BICRA: variants seen among roughly 807,000 people sequenced by gnomAD.
BICRA encodes BRD4 interacting chromatin remodeling complex associated protein.
A neutral mutation model predicts 96.9 loss-of-function variants in BICRA; 31 were observed. The observed-to-expected ratio is 0.32, with a 90% CI of 0.24 to 0.43. The LOEUF (loss-of-function observed/expected upper bound fraction) is 0.43. Ranked by LOEUF, BICRA falls within the 20% of genes least tolerant of loss-of-function variation. BICRA has a pLI of 1.00. For missense variants in BICRA, 2,283 were observed against 2,190.3 expected, an observed-to-expected ratio of 1.04 and a Z score of -0.84; for synonymous variants, 1,350 against 1,071.8, an observed-to-expected ratio of 1.26 and a Z score of -5.07.
In BICRA at chr19:47,701,744, G is replaced by A. The variant is rs781164187; in HGVS notation, c.4012G>A (p.Ala1338Thr). Residue 1338 changes from alanine to threonine, a missense_variant, in exon 15 of 15, where the codon GCT (alanine) becomes ACT (threonine). By Grantham distance (58) the Ala-to-Thr change is moderately conservative. Transcript: ENST00000594866. This position sits in a 1 kb window ranked among gnomAD's most constrained non-coding sequence, Gnocchi z 5.4. ...CGTGCACCAGCCCCCGCCACCCCCC[G>A]CTACCCTCAAGGTGGCCGAGCCCCC... ...DPVHQPPPPPATLKVAEPPPR... is the reference protein window; with the variant it reads ...DPVHQPPPPPTTLKVAEPPPR... The A allele has an allele frequency of 1.1e-5, 14 of 1,253,412 alleles. No homozygotes were observed. In the Admixed American group the frequency reaches 1.7e-4, roughly 15 times the overall value. The allele number at this position is 1,253,412 out of a possible 1,614,324, so 77.6% of individuals were successfully genotyped here.
chr19:47,623,261 TCTC>T (rs1444283750), intron 1 of BICRA, among the ~76,000 whole-genome samples: 1 of 152,146 alleles, frequency 6.6e-6, no homozygotes, highest in Non-Finnish European at 1.5e-5. Context: ...TGCTTCTGTT[TCTC>T]CTCCTGCTGC....
rs753141229 is a variant in BICRA, at chr19:47,701,545, TTCC to T, written c.3825_3827del (p.Ser1276del). 2.6e-5 allele frequency: 40 copies of T among 1,546,778 alleles called. No homozygotes were observed. The highest frequency in any genetic ancestry group is 2.8e-5 in the Non-Finnish European group (32 of 1,144,926). On this transcript the variant is annotated inframe_deletion, in exon 15 of 15. Coordinates refer to ENST00000594866, the MANE Select transcript of BICRA (RefSeq NM_001394372.1). This position sits in a 1 kb window ranked among gnomAD's most constrained non-coding sequence, Gnocchi z 5.4. The stretch of plus-strand genomic sequence containing the variant: ...GGGCGTCCTCCTCCCTGTCCTCCTC[TTCC>T]TCCTCCTCCTCTGCCGCCTCCTCCT...
intron 7 of BICRA, among the ~76,000 whole-genome samples, chr19:47,685,022 G>A (rs1021020629): frequency 2.8e-4 from 43 of 152,180 alleles, no homozygotes; most frequent in African/African-American, 1.0e-3. Context: ...CCAGGCTGGA[G>A]TACACTGGTG....
Position 47,701,257 on chromosome 19 carries a change from A to T in BICRA, c.3596-71A>T. 9.2e-7 allele frequency: 1 copy of T among 1,089,592 alleles called. No homozygotes were observed. The highest frequency in any genetic ancestry group is 1.4e-6 in the Non-Finnish European group (1 of 731,602). 67.5% of individuals were successfully genotyped at this position (1,089,592 alleles called of 1,614,324 possible). The stretch of plus-strand genomic sequence containing the variant: ...GGCAGGTAGTAGGTGCTCACTGCAC[A>T]CAGCTCCTCCCAGCTCGGTCGGGGG... On this transcript the variant is annotated intron_variant, in intron 14 of 14. Transcript: ENST00000594866. The surrounding 1 kb of genome is among the most constrained non-coding windows in gnomAD (Gnocchi z 5.4).
rs1226981119 is a variant in BICRA, at chr19:47,699,228, G to A, written c.3493-75G>A. On this transcript the variant is annotated intron_variant, in intron 13 of 14. Transcript: ENST00000594866. The surrounding 1 kb of genome is among the most constrained non-coding windows in gnomAD (Gnocchi z 5.0). Reference sequence around the variant, plus strand: ...CACAAGGACAGTTTGGACCTTGCACGCATCGTCCCCGTCGCTCGCGCCCCT... The same window carrying A: ...CACAAGGACAGTTTGGACCTTGCACACATCGTCCCCGTCGCTCGCGCCCCT... 2 of 915,928 alleles carry A rather than the reference G, an allele frequency of 2.2e-6. No individual in the cohort carries two copies. Among genetic ancestry groups the A allele is most frequent in the Non-Finnish European group, 3.5e-6 (2 of 569,606 alleles). The allele number at this position is 915,928 out of a possible 1,614,324, so 56.7% of individuals were successfully genotyped here.
intron 4 of BICRA, among the ~76,000 whole-genome samples, 169 bp downstream of exon 4, chr19:47,673,931 C>G (rs1040381010): frequency 1.3e-5 from 2 of 152,114 alleles, no homozygotes; most frequent in African/African-American, 4.8e-5. Flanking sequence ...ATCCCCTGTC[C>G]TCCTTCCATG....
intron 7 of BICRA, among the ~76,000 whole-genome samples, chr19:47,686,061 G>C (rs537061379): frequency 2.1e-4 from 32 of 151,576 alleles, no homozygotes; most frequent in South Asian, 1.7e-3. Flanking sequence ...CTCCCGAGTA[G>C]CTGGGACTAC....
chr19:47,694,204 G>GCCC lies in BICRA; in HGVS notation c.2374_2376dup (p.Pro792dup). 8.9e-7 allele frequency: 1 copy of GCCC among 1,119,698 alleles called. No homozygotes were observed. Among genetic ancestry groups the GCCC allele is most frequent in the Non-Finnish European group, 1.1e-6 (1 of 884,584 alleles). The allele number at this position is 1,119,698 out of a possible 1,614,324, so 69.4% of individuals were successfully genotyped here. A position where few individuals can be genotyped will look rare whatever the true frequency, so the allele number is the denominator to read the frequency against. On this transcript the variant is annotated inframe_insertion, in exon 8 of 15. Coordinates refer to ENST00000594866, the MANE Select transcript of BICRA (RefSeq NM_001394372.1). Reference sequence around the variant, plus strand: ...CCCCTCTGGGGGACAGCCCCCACCTGCCCTCCCCACACCCCACCCGGCCCC... The same window carrying GCCC: ...CCCCTCTGGGGGACAGCCCCCACCTGCCCCCCTCCCCACACCCCACCCGGCCCC...
chr19:47,673,243 C>T (rs980529576), intron 2 of BICRA, among the ~76,000 whole-genome samples: 8 of 152,074 alleles, frequency 5.3e-5, no homozygotes, highest in Admixed American at 1.3e-4. Context: ...AAGTACAGGC[C>T]GTGGGACCCC....
chr19:47,694,944 T>C lies in BICRA; in HGVS notation c.2940T>C (p.Pro980=). The change falls in exon 9 of 15, where the codon CCT becomes CCC. Residue 980 remains proline, a synonymous_variant. Coordinates refer to ENST00000594866, the MANE Select transcript of BICRA (RefSeq NM_001394372.1). ...IILQNKAGGA[P]AAPQTSTSLG... is the part of the protein sequence containing the mutation. ...TCCAGAACAAGGCTGGGGGGGCCCCTGCCGCCCCGCAGACCTCCACCAGCC... is the reference window on the plus strand; with the variant it reads ...TCCAGAACAAGGCTGGGGGGGCCCCCGCCGCCCCGCAGACCTCCACCAGCC... 6.5e-7 allele frequency: 1 copy of C among 1,536,214 alleles called. No homozygotes were observed. The highest frequency in any genetic ancestry group is 1.2e-5 in the South Asian group (1 of 81,438).
intron 1 of BICRA, among the ~76,000 whole-genome samples, chr19:47,647,890 C>T (rs1455891957): frequency 7.5e-6 from 1 of 133,296 alleles, no homozygotes; most frequent in Non-Finnish European, 1.6e-5. Context: ...GACCGTAGTT[C>T]GCGGGGGGAG....
rs1972625689 is a variant in BICRA at position 47,656,827 on chromosome 19, T to C, written c.-107-13616T>C. ...GAAGCGGCCACACGTCTGATATTTT[T>C]CCCCCACTATAAATCAGTTCTGGAT... On this transcript the variant is annotated intron_variant, in intron 1 of 14. Coordinates refer to ENST00000594866, the MANE Select transcript of BICRA (RefSeq NM_001394372.1). Among the ~76,000 whole-genome samples, 3 of 152,134 alleles carry C rather than the reference T, an allele frequency of 2.0e-5. No homozygotes were observed. The South Asian group carries it at 6.2e-4, about 32-fold the overall frequency.
chr19:47,694,302 CA>C lies in BICRA; in HGVS notation c.2472del (p.Gln826ArgfsTer16). On this transcript the variant is annotated frameshift_variant, in exon 8 of 15. Coordinates refer to ENST00000594866, the MANE Select transcript of BICRA (RefSeq NM_001394372.1). LOFTEE classifies it high-confidence loss of function. ...PSEPPLHPCP[P>X]PQAPPTLPGI... The stretch of plus-strand genomic sequence containing the variant: ...GAGCCACCCTTGCACCCTTGCCCCC[CA>C]CCCCAGGCCCCCCCAACTCTGCCTG... 1.1e-6 allele frequency: 1 copy of C among 899,946 alleles called. No homozygotes were observed. The highest frequency in any genetic ancestry group is 1.5e-5 in the South Asian group (1 of 65,576). 55.7% of individuals were successfully genotyped at this position (899,946 alleles called of 1,614,324 possible).
chr19:47,702,040 G>A lies in BICRA; in HGVS notation c.4308G>A (p.Glu1436=). 1 of 1,496,006 alleles carries A rather than the reference G, an allele frequency of 6.7e-7. No individual in the cohort carries two copies. Among genetic ancestry groups the A allele is most frequent in the Non-Finnish European group, 8.8e-7 (1 of 1,131,648 alleles). The allele number at this position is 1,496,006 out of a possible 1,614,324, so 92.7% of individuals were successfully genotyped here. ...SGLIRELAAV[E]DELYQRMLKG... ...TCATCCGCGAGCTGGCGGCCGTGGA[G>A]GACGAGCTGTACCAGCGTATGCTGA... Residue 1436 remains glutamate, a synonymous_variant, in exon 15 of 15, where the codon GAG becomes GAA. Transcript: ENST00000594866.
Position 47,685,786 on chromosome 19 carries a change from T to TGTGCGCGCGCGC in BICRA, c.2283+3635_2283+3636insTGCGCGCGCGCG. Among the ~76,000 whole-genome samples the TGTGCGCGCGCGC allele has an allele frequency of 1.1e-3, 135 of 117,940 alleles. 2 individuals are homozygous for TGTGCGCGCGCGC. Among genetic ancestry groups the TGTGCGCGCGCGC allele is most frequent in the East Asian group, 7.0e-3 (20 of 2,864 alleles). The allele number at this position is 117,940 out of a possible 152,430, so 77.4% of individuals were successfully genotyped here. On this transcript the variant is annotated intron_variant, in intron 7 of 14. Transcript: ENST00000594866. ...GTGTGTGTGTGTGTGTGTGTGTGTG[T>TGTGCGCGCGCGC]GCGCGCGCGCGCGCATGCGTACATT...
Position 47,679,930 on chromosome 19 carries a change from G to A in BICRA, c.760G>A (p.Ala254Thr). 1.3e-6 allele frequency: 2 copies of A among 1,514,680 alleles called. No homozygotes were observed. The highest frequency in any genetic ancestry group is 2.0e-4 in the Middle Eastern group (1 of 5,126). The allele number at this position is 1,514,680 out of a possible 1,614,324, so 93.8% of individuals were successfully genotyped here. A position where few individuals can be genotyped will look rare whatever the true frequency, so the allele number is the denominator to read the frequency against. ...ALNTPTSQLLAKQVPVSGYLA... is the reference protein window; with the variant it reads ...ALNTPTSQLLTKQVPVSGYLA... Reference sequence around the variant, plus strand: ...CAACACGCCCACCTCCCAGCTCCTGGCCAAGCAGGTGCCCGTCAGCGGCTA... The same window carrying A: ...CAACACGCCCACCTCCCAGCTCCTGACCAAGCAGGTGCCCGTCAGCGGCTA... The change falls in exon 6 of 15, where the codon GCC (alanine) becomes ACC (threonine). Residue 254 changes from alanine to threonine, a missense_variant. Physicochemically the swap from Ala to Thr is moderately conservative, Grantham distance 58. Coordinates refer to ENST00000594866, the MANE Select transcript of BICRA (RefSeq NM_001394372.1).
chr19:47,694,058 G>A, intron 7 of BICRA, 57 bp from the exon 8 acceptor site: 3 of 1,449,058 alleles, frequency 2.1e-6, no homozygotes, highest in Non-Finnish European at 2.7e-6. Flanking sequence ...TGGGGCAACA[G>A]GAGCTATGGT....
intron 2 of BICRA, among the ~76,000 whole-genome samples, chr19:47,672,522 A>G (rs1972882747): frequency 6.6e-6 from 1 of 151,388 alleles, no homozygotes. Flanking sequence ...TTGGCTAGTT[A>G]AATGTTTCTG....
intron 1 of BICRA, among the ~76,000 whole-genome samples, chr19:47,630,709 T>A (rs7252467): frequency 1.3e-5 from 2 of 151,954 alleles, no homozygotes; most frequent in Non-Finnish European, 2.9e-5. Context: ...GTGAACGACG[T>A]TGCTGTGAAC....
Sources: gnomAD v4.1 joint callset for allele counts (sites outside exome capture counted in the v4.1 genomes callset) on GRCh38, gnomAD v4.1.1 for gene constraint, Gnocchi (gnomAD v3.1) non-coding constraint, MANE v1.5 for transcripts, NCBI Gene and HGNC (gene_info 2026-07-23, HGNC 2026-07-21) for gene names.